The following EYS variants were observed in gnomAD, a reference collection of about 807,000 sequenced individuals.
EYS encodes protein eyes shut homolog.
In EYS, 250 loss-of-function variants were observed where a neutral mutation model predicts 282.1. The observed-to-expected ratio is 0.89, with a 90% CI of 0.80 to 0.98. The LOEUF (loss-of-function observed/expected upper bound fraction) is 0.98. Among genes scored for constraint, EYS ranks in the 50% least tolerant of loss-of-function variants. The probability of loss-of-function intolerance (pLI) is 0.00; values close to 1 mark genes in which losing one functional copy is unlikely to be tolerated. For missense variants in EYS, 4,016 were observed against 3,709.0 expected (o/e 1.08, Z -2.15); for synonymous variants, 1,355 against 1,282.9 (o/e 1.06, Z -1.20).
intron 2 of EYS, among the ~76,000 whole-genome samples, chr6:65,554,520 A>G (rs554805683): frequency 1.3e-5 from 2 of 152,140 alleles, no homozygotes; most frequent in African/African-American, 4.8e-5. Flanking sequence ...TGTTCACTCT[A>G]TTACAGTTTC....
At chr6:64,336,301 A>G (rs1234792244) in intron 29 of EYS, among the ~76,000 whole-genome samples, 1 of 152,132 alleles carries the variant, frequency 6.6e-6, no homozygotes, top group Admixed American at 6.6e-5. Context: ...TTTCATGCAA[A>G]TAGACGCCAA....
At chr6:65,299,747 AT>A (rs1768765628) in intron 11 of EYS, among the ~76,000 whole-genome samples, 1 of 152,026 alleles carries the variant, frequency 6.6e-6, no homozygotes, top group African/African-American at 2.4e-5. Context: ...TTGTGTTTTC[AT>A]TTATCTCAAT....
chr6:63,723,661 T>C (rs1199286221), intron 42 of EYS, among the ~76,000 whole-genome samples: 1 of 151,960 alleles, frequency 6.6e-6, no homozygotes, highest in Non-Finnish European at 1.5e-5. Flanking sequence ...TTACGAAAAA[T>C]TGACAAAAAG....
intron 31 of EYS, among the ~76,000 whole-genome samples, chr6:64,085,437 C>T (rs187925965): frequency 2.8e-4 from 42 of 152,100 alleles, no homozygotes; most frequent in African/African-American, 9.9e-4. Context: ...TCTAAGTGAT[C>T]CAGCTGTAGC....
chr6:64,643,363 C>A (rs1313625762), intron 22 of EYS, among the ~76,000 whole-genome samples: 1 of 152,182 alleles, frequency 6.6e-6, no homozygotes, highest in Non-Finnish European at 1.5e-5. Flanking sequence ...GTAAGTCTTA[C>A]TGTTAATTGT....
intron 1 of EYS, among the ~76,000 whole-genome samples, chr6:65,678,098 AGGGAAC>A: frequency 6.6e-6 from 1 of 152,132 alleles, no homozygotes; most frequent in Admixed American, 6.6e-5. Context: ...ATCATTGTGA[AGGGAAC>A]GGGAGCCAGC....
intron 2 of EYS, among the ~76,000 whole-genome samples, chr6:65,526,674 C>T (rs563844587): frequency 6.6e-6 from 1 of 152,084 alleles, no homozygotes; most frequent in Non-Finnish European, 1.5e-5. Context: ...GGCGTGGTGT[C>T]GGGCGCCTGT....
chr6:64,752,500 T>C (rs187678346), intron 22 of EYS, among the ~76,000 whole-genome samples: 1 of 152,192 alleles, frequency 6.6e-6, no homozygotes, highest in East Asian at 1.9e-4. Context: ...TCAAAAAATA[T>C]GTGATTATGT....
chr6:64,111,335 A>G (rs757704033), intron 31 of EYS, among the ~76,000 whole-genome samples: 1 of 152,058 alleles, frequency 6.6e-6, no homozygotes, highest in African/African-American at 2.4e-5. Flanking sequence ...GGTATTATAA[A>G]GATGATAGGC....
rs1772002280 is a variant in EYS, at chr6:64,732,316, A to AG, written c.3443+81061_3443+81062insC. Among the ~76,000 whole-genome samples, 4 of 152,150 alleles carry AG rather than the reference A, an allele frequency of 2.6e-5. No homozygotes were observed. In the South Asian group the frequency reaches 8.3e-4, roughly 31 times the overall value. On this transcript the variant is annotated intron_variant, in intron 22 of 42. Coordinates refer to ENST00000503581, the MANE Select transcript of EYS (RefSeq NM_001142800.2). ...CCAGAACTTAAAGTATTAAAAAAAA[A>AG]AAAAAGATGTTATTACCTCCTGGAC...
intron 35 of EYS, among the ~76,000 whole-genome samples, chr6:63,974,382 G>A (rs1766732818): frequency 1.3e-5 from 2 of 152,094 alleles, no homozygotes; most frequent in African/African-American, 4.8e-5. Flanking sequence ...CATATTACCA[G>A]GTCATATTTA....
chr6:64,001,828 A>T (rs1194820010), intron 33 of EYS, among the ~76,000 whole-genome samples: 1 of 152,232 alleles, frequency 6.6e-6, no homozygotes, highest in African/African-American at 2.4e-5. Context: ...TACTTTTACT[A>T]ATATCAACAG....
chr6:65,123,758 CCACACACACACA>C (rs34701707), intron 12 of EYS, among the ~76,000 whole-genome samples: 1 of 147,002 alleles, frequency 6.8e-6, no homozygotes, highest in South Asian at 2.2e-4. Flanking sequence ...ACCCACCCAC[CCACACACACACA>C]CACACACACA....
chr6:65,484,518 T>C (rs1476172097), intron 5 of EYS, among the ~76,000 whole-genome samples: 1 of 152,194 alleles, frequency 6.6e-6, no homozygotes, highest in Non-Finnish European at 1.5e-5. Flanking sequence ...GATTTTATTG[T>C]ATCAATCATT....
At chr6:64,996,755 TG>T (rs1221492334) in intron 14 of EYS, among the ~76,000 whole-genome samples, 1 of 152,204 alleles carries the variant, frequency 6.6e-6, no homozygotes, top group Non-Finnish European at 1.5e-5. Flanking sequence ...GTAAAAACAA[TG>T]TCAGTGCACT....
intron 2 of EYS, among the ~76,000 whole-genome samples, chr6:65,627,611 G>C (rs1398205713): frequency 1.3e-5 from 2 of 152,172 alleles, no homozygotes; most frequent in Non-Finnish European, 2.9e-5. Context: ...CCGGGTGGGC[G>C]TGGTCTTGGC....
At chr6:65,192,717 T>C (rs564601284) in intron 12 of EYS, among the ~76,000 whole-genome samples, 3 of 151,932 alleles carry the variant, frequency 2.0e-5, no homozygotes, top group Admixed American at 2.0e-4. Context: ...GACTAGGTCA[T>C]TAAAATCTCA....
chr6:64,313,410 T>C (rs1231873336), intron 29 of EYS, among the ~76,000 whole-genome samples: 1 of 152,180 alleles, frequency 6.6e-6, no homozygotes, highest in East Asian at 1.9e-4. Flanking sequence ...GGTTTGATTG[T>C]TGTACCTGAA....
chr6:64,280,930 T>C (rs1768285849), intron 30 of EYS, among the ~76,000 whole-genome samples: 1 of 152,128 alleles, frequency 6.6e-6, no homozygotes, highest in Admixed American at 6.6e-5. Flanking sequence ...AATATTTATA[T>C]GCAGTTTTTT....
Sources: allele counts gnomAD v4.1 joint callset (sites outside exome capture counted in the v4.1 genomes callset), GRCh38; gene constraint gnomAD v4.1.1; transcripts MANE v1.5; gene names NCBI Gene and HGNC (gene_info 2026-07-23, HGNC 2026-07-21).